The following DYNC1I1 variants were observed in gnomAD, a reference collection of about 807,000 sequenced individuals.
DYNC1I1 encodes the protein cytoplasmic dynein 1 intermediate chain 1.
DYNC1I1 carries 43 observed loss-of-function variants against 86.6 expected under a neutral mutation model. The observed-to-expected ratio is 0.50, with a 90% confidence interval of 0.39 to 0.64. The LOEUF (loss-of-function observed/expected upper bound fraction) is 0.64. DYNC1I1 is among the 30% of genes least tolerant of loss of function. DYNC1I1 has a pLI of 0.00. For synonymous variants in DYNC1I1, 262 were observed against 283.7 expected (o/e 0.92, Z 0.77); for missense variants, 604 against 788.8 (o/e 0.77, Z 2.81).
chr7:95,785,132 C>G (rs2115676068), intron 1 of DYNC1I1, among the ~76,000 whole-genome samples: 1 of 152,270 alleles, frequency 6.6e-6, no homozygotes, highest in Middle Eastern at 3.4e-3. Flanking sequence ...CCATTAAAAA[C>G]AAATAAGAGG....
At chr7:95,873,189 AC>A (rs1433814700) in intron 6 of DYNC1I1, among the ~76,000 whole-genome samples, 2 of 152,276 alleles carry the variant, frequency 1.3e-5, no homozygotes, top group Non-Finnish European at 2.9e-5. Context: ...CCAGTAGCAA[AC>A]CAAGACATCT....
intron 6 of DYNC1I1, among the ~76,000 whole-genome samples, chr7:95,910,964 A>C (rs1791319387): frequency 6.6e-6 from 1 of 152,216 alleles, no homozygotes; most frequent in Non-Finnish European, 1.5e-5. Context: ...TGAATATTAA[A>C]GATTTGGAAT....
At chr7:96,055,181 T>C (rs191282494) in intron 14 of DYNC1I1, among the ~76,000 whole-genome samples, 1 of 152,250 alleles carries the variant, frequency 6.6e-6, no homozygotes, top group Non-Finnish European at 1.5e-5. Flanking sequence ...GTTTTTTGCA[T>C]ATGGCTAGCT....
At chr7:96,033,935 A>C (rs894427457) in intron 12 of DYNC1I1, among the ~76,000 whole-genome samples, 1 of 152,120 alleles carries the variant, frequency 6.6e-6, no homozygotes, top group Non-Finnish European at 1.5e-5. Context: ...GCTTAAGCCC[A>C]GGAGTTCGAG....
rs1450745433 is a variant in DYNC1I1 at position 95,985,015 on chromosome 7, A to C, written c.743+38A>C. ...TGTGCATTCTTTAAAAAATAGCGTA[A>C]GTTATCTGTTAATTCTAATTTATTT... is the stretch of plus-strand genomic sequence containing the variant. On this transcript the variant is annotated intron_variant, in intron 8 of 16. Coordinates refer to ENST00000447467, the MANE Select transcript of DYNC1I1 (RefSeq NM_001135556.2). The C allele has an allele frequency of 2.5e-6, 4 of 1,597,416 alleles. No individual in the cohort carries two copies. In the South Asian group the frequency reaches 4.6e-5, roughly 19 times the overall value.
chr7:95,853,775 A>C (rs529020068), intron 5 of DYNC1I1, among the ~76,000 whole-genome samples: 3 of 152,170 alleles, frequency 2.0e-5, no homozygotes, highest in African/African-American at 7.2e-5. Flanking sequence ...ATTGCAGCCT[A>C]TCTCTCTCTT....
intron 16 of DYNC1I1, among the ~76,000 whole-genome samples, chr7:96,090,586 C>T (rs1383004592): frequency 6.6e-6 from 1 of 151,626 alleles, no homozygotes; most frequent in Non-Finnish European, 1.5e-5. Context: ...GGGAAGAGAC[C>T]TTTGGCAGAG....
At chr7:95,867,855 G>T (rs1038167644) in intron 5 of DYNC1I1, among the ~76,000 whole-genome samples, 25 of 152,212 alleles carry the variant, frequency 1.6e-4, no homozygotes, top group Non-Finnish European at 5.9e-5. Context: ...CAGCGGAGAG[G>T]CTTTGCCTCA....
intron 9 of DYNC1I1, among the ~76,000 whole-genome samples, chr7:95,990,938 G>A (rs1793714242): frequency 6.6e-6 from 1 of 152,100 alleles, no homozygotes; most frequent in African/African-American, 2.4e-5. Context: ...GCTGAGGTGG[G>A]AGGATTGCTT....
chr7:95,907,274 G>C lies in DYNC1I1; in HGVS notation c.490+37276G>C, dbSNP rs73393006. 9.6e-3 allele frequency among the ~76,000 whole-genome samples: 1,464 copies of C among 152,302 alleles called. 23 individuals carry two copies. The highest frequency in any genetic ancestry group is 0.034 in the African/African-American group (1,427 of 41,564). ...ATGTTTGAAGCAGCCTTACTCTCAT[G>C]AGTGTAAGTGAGCACCTGAAAATGA... On this transcript the variant is annotated intron_variant, in intron 6 of 16. Transcript: ENST00000447467.
chr7:95,822,552 C>G (rs1040488856), intron 4 of DYNC1I1, among the ~76,000 whole-genome samples: 4 of 152,048 alleles, frequency 2.6e-5, no homozygotes, highest in South Asian at 2.1e-4. Flanking sequence ...ATTGGCATGT[C>G]CAAAACAGCC....
At chr7:95,831,312 G>C (rs1178637834) in intron 5 of DYNC1I1, among the ~76,000 whole-genome samples, 1 of 151,884 alleles carries the variant, frequency 6.6e-6, no homozygotes, top group African/African-American at 2.4e-5. Context: ...TTTAATATTT[G>C]GTAGAACACA....
chr7:95,989,679 T>C (rs777056009), intron 9 of DYNC1I1, among the ~76,000 whole-genome samples: 2 of 152,114 alleles, frequency 1.3e-5, no homozygotes, highest in Non-Finnish European at 2.9e-5. Flanking sequence ...GATGTTTGTG[T>C]TGGAGGAAGT....
At chr7:95,994,173 T>C (rs1310911847) in intron 9 of DYNC1I1, among the ~76,000 whole-genome samples, 2 of 152,142 alleles carry the variant, frequency 1.3e-5, no homozygotes, top group African/African-American at 2.4e-5. Context: ...AGCCTTTCTA[T>C]TGAGCACAGA....
chr7:95,808,852 C>T (rs1794762372), intron 2 of DYNC1I1, among the ~76,000 whole-genome samples: 1 of 152,140 alleles, frequency 6.6e-6, no homozygotes, highest in Non-Finnish European at 1.5e-5. Flanking sequence ...CTTGTTGAAT[C>T]ATTAAAACAT....
chr7:96,074,656 AT>A (rs1305092779), intron 14 of DYNC1I1, among the ~76,000 whole-genome samples: 4 of 151,978 alleles, frequency 2.6e-5, no homozygotes, highest in African/African-American at 9.7e-5. Context: ...ACTACACTAC[AT>A]TTTTGTGTGA....
chr7:95,779,400 G>C (rs1042971910), intron 1 of DYNC1I1, among the ~76,000 whole-genome samples: 8 of 152,162 alleles, frequency 5.3e-5, no homozygotes, highest in African/African-American at 1.2e-4. Flanking sequence ...AATGATGCCT[G>C]GCTTGCAAAG....
At chr7:95,814,545 G>T (rs531053256) in intron 4 of DYNC1I1, among the ~76,000 whole-genome samples, 1 of 152,200 alleles carries the variant, frequency 6.6e-6, no homozygotes, top group East Asian at 1.9e-4. Context: ...TTCACCTAAG[G>T]CATTAGCATA....
intron 14 of DYNC1I1, among the ~76,000 whole-genome samples, chr7:96,055,170 A>T (rs1789533877): frequency 6.6e-6 from 1 of 152,060 alleles, no homozygotes; most frequent in African/African-American, 2.4e-5. Context: ...GTCTAATTTC[A>T]GTTTTTTGCA....
Sources: allele counts gnomAD v4.1 joint callset (sites outside exome capture counted in the v4.1 genomes callset), GRCh38; gene constraint gnomAD v4.1.1; transcripts MANE v1.5; gene names NCBI Gene and HGNC (gene_info 2026-07-23, HGNC 2026-07-21).